The following KAZN variants were observed in gnomAD, a reference collection of about 807,000 sequenced individuals.
KAZN encodes the protein kazrin, periplakin interacting protein.
KAZN carries 40 observed loss-of-function variants against 87.4 expected under a neutral mutation model. The ratio of observed to expected loss-of-function variants is 0.46; its 90% confidence interval spans 0.36 to 0.60. KAZN has a LOEUF of 0.60. KAZN is among the 20% of genes least tolerant of loss of function. The pLI, the probability that KAZN is intolerant of heterozygous loss-of-function variation, is 0.00. For missense variants in KAZN, 898 were observed against 1,073.9 expected (o/e 0.84, Z 2.29); for synonymous variants, 466 against 458.3 (o/e 1.02, Z -0.22).
intron 1 of KAZN, among the ~76,000 whole-genome samples, chr1:14,698,194 TCTC>T (rs560764549): frequency 3.9e-5 from 6 of 152,146 alleles, no homozygotes; most frequent in Non-Finnish European, 5.9e-5. Context: ...TGTTAAAGGT[TCTC>T]CTCTGGCACA....
chr1:15,041,345 T>TG (rs1672903674), intron 3 of KAZN, among the ~76,000 whole-genome samples: 1 of 148,954 alleles, frequency 6.7e-6, no homozygotes, highest in Non-Finnish European at 1.5e-5. Flanking sequence ...TTTTTTTTTT[T>TG]TGTTTTTTTG....
intron 1 of KAZN, among the ~76,000 whole-genome samples, chr1:14,171,982 A>G (rs1339340247): frequency 1.8e-5 from 2 of 110,320 alleles, no homozygotes; most frequent in African/African-American, 9.6e-5. Context: ...TTCCTCTGCC[A>G]ACTCATGAAT....
At chr1:15,108,503 G>A (rs1404404244) in intron 13 of KAZN, among the ~76,000 whole-genome samples, 4 of 152,224 alleles carry the variant, frequency 2.6e-5, no homozygotes, top group African/African-American at 9.6e-5. Context: ...TTCTTCCCAG[G>A]GCTTTGCAGA....
chr1:14,249,160 G>A (rs1485741168), intron 2 of KAZN, among the ~76,000 whole-genome samples: 2 of 152,196 alleles, frequency 1.3e-5, no homozygotes, highest in Admixed American at 1.3e-4. Flanking sequence ...TGACCGACAG[G>A]ATCCATGAGC....
intron 1 of KAZN, among the ~76,000 whole-genome samples, chr1:13,998,702 C>T (rs1387401515): frequency 6.6e-6 from 1 of 151,978 alleles, no homozygotes; most frequent in African/African-American, 2.4e-5. Context: ...TACAGAAGCA[C>T]CCAGATTCAT....
chr1:14,563,893 G>A (rs1330051858), intron 2 of KAZN, among the ~76,000 whole-genome samples: 1 of 20,102 alleles, frequency 5.0e-5, no homozygotes, highest in African/African-American at 8.3e-5. Context: ...TTTTTTGTCT[G>A]AGACAGAGTC....
chr1:14,438,557 G>A (rs1038404296), intron 2 of KAZN, among the ~76,000 whole-genome samples: 1 of 152,212 alleles, frequency 6.6e-6, no homozygotes, highest in Non-Finnish European at 1.5e-5. Flanking sequence ...AGGCCCTGGG[G>A]CAGGAGTGTG....
intron 2 of KAZN, among the ~76,000 whole-genome samples, chr1:15,011,647 A>G (rs1245889923): frequency 6.6e-6 from 1 of 152,226 alleles, no homozygotes; most frequent in Non-Finnish European, 1.5e-5. Flanking sequence ...GTGCCAAGTC[A>G]CCAAACTTAA....
At chr1:14,017,698 G>T (rs1640635059) in intron 1 of KAZN, among the ~76,000 whole-genome samples, 1 of 152,120 alleles carries the variant, frequency 6.6e-6, no homozygotes, top group South Asian at 2.1e-4. Flanking sequence ...TAATCCTTTT[G>T]TTTTCTCCTA....
At chr1:14,823,386 C>G (rs1045143248) in intron 1 of KAZN, among the ~76,000 whole-genome samples, 2 of 152,118 alleles carry the variant, frequency 1.3e-5, no homozygotes, top group Non-Finnish European at 2.9e-5. Flanking sequence ...AGTGTGGTAT[C>G]TCCTGCACAG....
chr1:14,741,275 C>G (rs2100431707), intron 1 of KAZN, among the ~76,000 whole-genome samples: 1 of 152,344 alleles, frequency 6.6e-6, no homozygotes, highest in African/African-American at 2.4e-5. Context: ...TCCCCAGCAC[C>G]CAGCACCATG....
intron 2 of KAZN, among the ~76,000 whole-genome samples, chr1:14,317,851 C>T (rs1466740904): frequency 6.6e-6 from 1 of 151,860 alleles, no homozygotes; most frequent in Non-Finnish European, 1.5e-5. Context: ...TCACAGTTTC[C>T]AAGAACCTAT....
intron 1 of KAZN, among the ~76,000 whole-genome samples, chr1:14,128,750 G>A (rs1022209425): frequency 6.6e-6 from 1 of 152,062 alleles, no homozygotes; most frequent in African/African-American, 2.4e-5. Flanking sequence ...GCCCATAATA[G>A]GTGTCCTCAC....
chr1:14,527,866 G>T (rs1050319443), intron 2 of KAZN, among the ~76,000 whole-genome samples: 4 of 152,062 alleles, frequency 2.6e-5, no homozygotes, highest in African/African-American at 9.7e-5. Flanking sequence ...CTTCTATCAG[G>T]CCCCACCTCC....
chr1:14,896,038 C>T (rs1044041553), intron 1 of KAZN, among the ~76,000 whole-genome samples: 2 of 131,670 alleles, frequency 1.5e-5, no homozygotes, highest in African/African-American at 3.0e-5. Context: ...ATGAAAAAGA[C>T]GCCTTTTTTT....
intron 1 of KAZN, among the ~76,000 whole-genome samples, chr1:14,910,325 C>A (rs189367479): frequency 6.6e-6 from 1 of 152,314 alleles, no homozygotes; most frequent in East Asian, 1.9e-4. Flanking sequence ...GGCCTTCCCC[C>A]ATGTGGGTGC....
At chr1:14,173,164 T>C (rs7516285) in intron 1 of KAZN, among the ~76,000 whole-genome samples, 18,702 of 152,204 alleles carry the variant, frequency 0.12, 1,270 homozygotes, top group East Asian at 0.33. Context: ...TTATCTTTAA[T>C]GTGCAACAGA....
chr1:14,670,266 G>A (rs778437200), intron 1 of KAZN, among the ~76,000 whole-genome samples: 1 of 152,106 alleles, frequency 6.6e-6, no homozygotes, highest in Non-Finnish European at 1.5e-5. Flanking sequence ...CCTCCTGAAG[G>A]CATTTGTGTT....
intron 2 of KAZN, among the ~76,000 whole-genome samples, chr1:14,975,918 G>A (rs1284881784): frequency 6.6e-6 from 1 of 151,400 alleles, no homozygotes; most frequent in Non-Finnish European, 1.5e-5. Context: ...TGTAGTCCCA[G>A]CTACTTGGGA....
Sources: allele counts gnomAD v4.1 joint callset (sites outside exome capture counted in the v4.1 genomes callset), GRCh38; gene constraint gnomAD v4.1.1; transcripts MANE v1.5; gene names NCBI Gene and HGNC (gene_info 2026-07-23, HGNC 2026-07-21).